The following MAD1L1 variants were observed in gnomAD, a reference collection of about 807,000 sequenced individuals.
The protein encoded by MAD1L1 is mitotic arrest deficient 1 like 1.
A neutral mutation model predicts 96.9 loss-of-function variants in MAD1L1; 95 were observed. The ratio of observed to expected loss-of-function variants is 0.98; its 90% CI spans 0.83 to 1.16. The LOEUF (loss-of-function observed/expected upper bound fraction) is 1.16, where lower values mean the gene tolerates loss of function less well. Among genes scored for constraint, MAD1L1 ranks in the 50% most tolerant of loss-of-function variants. MAD1L1 has a pLI of 0.00. For synonymous variants in MAD1L1, 473 were observed against 396.6 expected, an observed-to-expected ratio of 1.19 and a Z score of -2.29; for missense variants, 1,007 against 954.4, an observed-to-expected ratio of 1.06 and a Z score of -0.73.
At chr7:2,215,749 A>ACGATTCTG in intron 9 of MAD1L1, 136 bp downstream of exon 9, 2 of 768,206 alleles carry the variant, frequency 2.6e-6, no homozygotes, top group South Asian at 3.2e-5. Flanking sequence ...TCTGGGGACC[A>ACGATTCTG]CGATTCTGCC....
At chr7:2,181,044 C>A (rs566034967) in intron 10 of MAD1L1, among the ~76,000 whole-genome samples, 1 of 152,342 alleles carries the variant, frequency 6.6e-6, no homozygotes, top group Admixed American at 6.5e-5. Context: ...CTGATTCTTT[C>A]TTCTGCTGCT....
At chr7:1,907,165 C>T (rs1361233077) in intron 17 of MAD1L1, among the ~76,000 whole-genome samples, 1 of 152,178 alleles carries the variant, frequency 6.6e-6, no homozygotes, top group East Asian at 1.9e-4. Context: ...CCTTGCCACG[C>T]CCCCATCCCC....
At chr7:2,064,203 G>A (rs1052193687) in intron 12 of MAD1L1, among the ~76,000 whole-genome samples, 2 of 152,168 alleles carry the variant, frequency 1.3e-5, no homozygotes, top group African/African-American at 2.4e-5. Context: ...GAATACACAG[G>A]ACACGAAGAG....
intron 16 of MAD1L1, among the ~76,000 whole-genome samples, chr7:1,942,939 G>C (rs1025031509): frequency 2.6e-5 from 4 of 152,212 alleles, no homozygotes; most frequent in African/African-American, 9.6e-5. Context: ...CCGACGTACA[G>C]ACCAACAACA....
chr7:1,871,933 A>G (rs1461265233), intron 18 of MAD1L1, among the ~76,000 whole-genome samples: 1 of 152,158 alleles, frequency 6.6e-6, no homozygotes, highest in Non-Finnish European at 1.5e-5. Context: ...GGGCAGAACT[A>G]CGGTGGCTCA....
At chr7:2,105,369 A>C (rs1222350587) in intron 11 of MAD1L1, among the ~76,000 whole-genome samples, 1 of 149,760 alleles carries the variant, frequency 6.7e-6, no homozygotes, top group Non-Finnish European at 1.5e-5. Flanking sequence ...AACAGGCCGC[A>C]GAAACCGCAG....
intron 14 of MAD1L1, among the ~76,000 whole-genome samples, chr7:1,986,228 A>G (rs1781133415): frequency 6.6e-6 from 1 of 152,212 alleles, no homozygotes. Flanking sequence ...AGTTTTCCTA[A>G]GAGCAAATGT....
At chr7:1,856,778 C>G (rs1022941740) in intron 18 of MAD1L1, among the ~76,000 whole-genome samples, 1 of 152,128 alleles carries the variant, frequency 6.6e-6, no homozygotes, top group South Asian at 2.1e-4. Flanking sequence ...ACGTTCCACA[C>G]GTAACCCAAC....
chr7:2,048,696 G>A (rs1010286485), intron 12 of MAD1L1, among the ~76,000 whole-genome samples: 4 of 152,196 alleles, frequency 2.6e-5, no homozygotes, highest in African/African-American at 4.8e-5. Flanking sequence ...CCTCCAAGAC[G>A]AATGCAGAAA....
intron 12 of MAD1L1, among the ~76,000 whole-genome samples, chr7:2,020,496 G>A (rs919668368): frequency 1.3e-5 from 2 of 152,184 alleles, no homozygotes; most frequent in African/African-American, 2.4e-5. Context: ...GGGGACGCCC[G>A]GCCCTGACAT....
At chr7:1,850,545 G>A (rs1583553551) in intron 18 of MAD1L1, among the ~76,000 whole-genome samples, 4 of 152,332 alleles carry the variant, frequency 2.6e-5, no homozygotes, top group Admixed American at 2.6e-4. Context: ...TGATCTCACT[G>A]CCCCGAGCCT....
At chr7:2,226,378 G>A (rs755223428) in intron 3 of MAD1L1, among the ~76,000 whole-genome samples, 3 of 151,562 alleles carry the variant, frequency 2.0e-5, no homozygotes, top group Non-Finnish European at 4.4e-5. Context: ...GATTACAGGT[G>A]AGCTGAGCCT....
At chr7:1,977,787 T>C (rs1382900178) in intron 15 of MAD1L1, among the ~76,000 whole-genome samples, 1 of 152,108 alleles carries the variant, frequency 6.6e-6, no homozygotes, top group African/African-American at 2.4e-5. Flanking sequence ...GAAAGCAGAG[T>C]GCCATCTCAG....
At chr7:2,025,577 T>C (rs1782961015) in intron 12 of MAD1L1, among the ~76,000 whole-genome samples, 1 of 152,198 alleles carries the variant, frequency 6.6e-6, no homozygotes, top group African/African-American at 2.4e-5. Context: ...AGAAAAACGA[T>C]TGCAGATGGA....
At chr7:2,217,144 G>A (rs733611) in intron 7 of MAD1L1, among the ~76,000 whole-genome samples, 50,471 of 152,088 alleles carry the variant, frequency 0.33, 8,665 homozygotes, top group East Asian at 0.51. Context: ...CTAGCAGCAC[G>A]TGTGACAGCT....
intron 16 of MAD1L1, among the ~76,000 whole-genome samples, chr7:1,956,242 C>A (rs1188520109): frequency 6.6e-6 from 1 of 152,094 alleles, no homozygotes; most frequent in Non-Finnish European, 1.5e-5. Flanking sequence ...GACGTCCCCC[C>A]ACTAAGGGTG....
At chr7:2,183,988 C>T (rs911011434) in intron 10 of MAD1L1, among the ~76,000 whole-genome samples, 11 of 152,084 alleles carry the variant, frequency 7.2e-5, no homozygotes, top group Non-Finnish European at 1.2e-4. Context: ...CAGTGGCTCA[C>T]GCCTGTAATC....
rs550950885 is a variant in MAD1L1, at chr7:1,873,495, G to C, written c.1998+24705C>G. On this transcript the variant is annotated intron_variant, in intron 18 of 18. Coordinates refer to ENST00000265854, the MANE Select transcript of MAD1L1 (RefSeq NM_001013836.2). The stretch of plus-strand genomic sequence containing the variant: ...CCTGGTGGAGAGCTAGTAGGAGCAC[G>C]GCACGGCCGGGGCTGGACAGTGCTG... Among the ~76,000 whole-genome samples, 1,434 of 152,078 alleles carry C rather than the reference G, an allele frequency of 9.4e-3. 21 individuals are homozygous for C. Among genetic ancestry groups the C allele is most frequent in the African/African-American group, 0.033 (1,380 of 41,464 alleles).
At chr7:1,980,599 G>T in intron 14 of MAD1L1, 58 bp from the exon 15 acceptor site, 2 of 1,432,924 alleles carry the variant, frequency 1.4e-6, no homozygotes, top group South Asian at 1.2e-5. Flanking sequence ...GGTGTGTGGG[G>T]AACCCCAGCC....
Sources: allele counts gnomAD v4.1 joint callset (sites outside exome capture counted in the v4.1 genomes callset), GRCh38; gene constraint gnomAD v4.1.1; transcripts MANE v1.5; gene names NCBI Gene and HGNC (gene_info 2026-07-23, HGNC 2026-07-21).